LDB3: variants seen among roughly 807,000 people sequenced by gnomAD.
LDB3 encodes LIM domain-binding protein 3.
Under a neutral mutation model 69.0 loss-of-function variants are expected in LDB3, and 49 were observed. The observed-to-expected ratio is 0.71, with a 90% confidence interval of 0.56 to 0.90. The LOEUF (loss-of-function observed/expected upper bound fraction) is 0.90, where lower values mean the gene tolerates loss of function less well. Ranked by LOEUF, LDB3 falls within the 40% of genes least tolerant of loss-of-function variation. The pLI, the probability that LDB3 is intolerant of heterozygous loss-of-function variation, is 0.00. For missense variants in LDB3, 928 were observed against 974.1 expected, an observed-to-expected ratio of 0.95 and a Z score of 0.63; for synonymous variants, 387 against 396.2, an observed-to-expected ratio of 0.98 and a Z score of 0.28.
At chr10:86,708,239 G>A (rs1028985057) in intron 8 of LDB3, among the ~76,000 whole-genome samples, 2 of 152,246 alleles carry the variant, frequency 1.3e-5, no homozygotes, top group African/African-American at 2.4e-5. Context: ...GAGGGGCACA[G>A]AGGGCTGGCT....
chr10:86,702,280 G>C (rs1846289672), intron 7 of LDB3, among the ~76,000 whole-genome samples: 1 of 152,064 alleles, frequency 6.6e-6, no homozygotes, highest in African/African-American at 2.4e-5. Context: ...ATCACCAACA[G>C]TTCTGACCAA....
rs753499912 is a variant in LDB3 at position 86,679,336 on chromosome 10, T to G, written c.94-31T>G. ...CCTTTCCTCAGGACCACCTTCCTTA[T>G]GCTCACCCCCCACCTCCACTATCCA... is the stretch of plus-strand genomic sequence containing the variant. On this transcript the variant is annotated intron_variant, in intron 2 of 13. Coordinates refer to ENST00000361373, the MANE Select transcript of LDB3 (RefSeq NM_007078.3). The G allele has an allele frequency of 3.7e-6, 6 of 1,614,036 alleles. No homozygotes were observed. The East Asian group carries it at 1.3e-4, about 36-fold the overall frequency.
At position 86,687,192 on chromosome 10, in the gene LDB3, G is replaced by T. The variant is rs745413406; in HGVS notation, c.690-4704G>T. The T allele has an allele frequency of 1.9e-6, 3 of 1,614,100 alleles. No individual in the cohort carries two copies. The highest frequency in any genetic ancestry group is 1.7e-5 in the Admixed American group (1 of 60,010). On this transcript the variant is annotated intron_variant, in intron 5 of 13. Transcript: ENST00000361373. ...CCATCATCCATGCGCAGTACAACAC[G>T]CCCATCAGCATGTATTCCCAGGATG...
At position 86,732,927 on chromosome 10, in the gene LDB3, A is replaced by G. The variant is rs1451712853; in HGVS notation, c.2135A>G (p.Lys712Arg). The change falls in exon 14 of 14, where the codon AAG becomes AGG. Residue 712 changes from lysine (K) to arginine (R), a missense_variant. Lys to Arg is a conservative substitution (Grantham distance 26, BLOSUM62 2). Transcript: ENST00000361373. ...CTGGAGGGGCAGCCGTTCTACTCCA[A>G]GAAGGACAGACCCCTGTGCAAGAAG... ...VNLEGQPFYS[K>R]KDRPLCKKHA... 1.2e-6 allele frequency: 2 copies of G among 1,613,866 alleles called. No individual in the cohort carries two copies. Among genetic ancestry groups the G allele is most frequent in the Admixed American group, 1.7e-5 (1 of 59,984 alleles).
chr10:86,699,241 C>T lies in LDB3; in HGVS notation c.896+6670C>T, dbSNP rs1258094292. On this transcript the variant is annotated intron_variant, in intron 7 of 13. Coordinates refer to ENST00000361373, the MANE Select transcript of LDB3 (RefSeq NM_007078.3). The surrounding 1 kb of genome is among the most constrained non-coding windows in gnomAD (Gnocchi z 4.9). ...TCTCTTTCTGTCTCTGTCTCTGTTTCTCTCTCTCTCTCTCTCTCTCTCTCT... is the reference window on the plus strand; with the variant it reads ...TCTCTTTCTGTCTCTGTCTCTGTTTTTCTCTCTCTCTCTCTCTCTCTCTCT... 1.2e-4 allele frequency: 2 copies of T among 16,706 alleles called. No individual in the cohort carries two copies. Among genetic ancestry groups the T allele is most frequent in the South Asian group, 8.8e-4 (1 of 1,136 alleles). 1.0% of individuals were successfully genotyped at this position (16,706 alleles called of 1,614,324 possible). A position where few individuals can be genotyped will look rare whatever the true frequency, so the allele number is the denominator to read the frequency against.
chr10:86,715,625 G>T (rs1846840520), intron 9 of LDB3, among the ~76,000 whole-genome samples: 1 of 152,212 alleles, frequency 6.6e-6, no homozygotes, highest in East Asian at 1.9e-4. Flanking sequence ...GAGTACAGGG[G>T]TCCCCCAAGG....
chr10:86,719,547 C>G (rs563016987), intron 12 of LDB3, among the ~76,000 whole-genome samples: 1 of 152,288 alleles, frequency 6.6e-6, no homozygotes, highest in South Asian at 2.1e-4. Context: ...CTTTGGGCTG[C>G]TTTGTAAACC....
chr10:86,690,434 C>A (rs1845701810), intron 5 of LDB3, among the ~76,000 whole-genome samples: 1 of 152,258 alleles, frequency 6.6e-6, no homozygotes, highest in African/African-American at 2.4e-5. Context: ...CCCTAGAAGC[C>A]TCTGCTGGTC....
At position 86,731,474 on chromosome 10, in the gene LDB3, C is replaced by T. The variant is rs368247328; in HGVS notation, c.2095-1413C>T. Among the ~76,000 whole-genome samples, 53 of 152,098 alleles carry T rather than the reference C, an allele frequency of 3.5e-4. 1 individual carries two copies. The highest frequency in any genetic ancestry group is 3.1e-3 in the South Asian group (15 of 4,794). On this transcript the variant is annotated intron_variant, in intron 13 of 13. Coordinates refer to ENST00000361373, the MANE Select transcript of LDB3 (RefSeq NM_007078.3). ...TCCTGATCTCGTGGTCCTCCTGCCT[C>T]GGCCTTCCAAAATGCTGGGATTGCA...
intron 4 of LDB3, 47 bp downstream of exon 4, chr10:86,680,204 G>T (rs1297921565): frequency 6.4e-7 from 1 of 1,565,100 alleles, no homozygotes. Context: ...CTGGTTCCTG[G>T]AGTGCTGGCC....
Position 86,706,941 on chromosome 10 carries a change from G to T in LDB3, c.1085+222G>T, listed in dbSNP as rs890788688. 1.2e-4 allele frequency among the ~76,000 whole-genome samples: 18 copies of T among 152,270 alleles called. 1 individual carries two copies. Among genetic ancestry groups the T allele is most frequent in the African/African-American group, 4.3e-4 (18 of 41,554 alleles). On this transcript the variant is annotated intron_variant, in intron 8 of 13. Coordinates refer to ENST00000361373, the MANE Select transcript of LDB3 (RefSeq NM_007078.3). Reference sequence around the variant, plus strand: ...GGGGACTGTCACTCTGCCCCCCAGGGACACATACACCGGTGAGAGAGGTAA... The same window carrying T: ...GGGGACTGTCACTCTGCCCCCCAGGTACACATACACCGGTGAGAGAGGTAA...
At chr10:86,669,750 C>T (rs1017327888) in intron 2 of LDB3, among the ~76,000 whole-genome samples, 1 of 152,248 alleles carries the variant, frequency 6.6e-6, no homozygotes, top group Non-Finnish European at 1.5e-5. Context: ...GGTGGCTGAG[C>T]CCCTGACCGT....
chr10:86,683,987 A>G lies in LDB3; in HGVS notation c.689+2184A>G, dbSNP rs377712659. Among the ~76,000 whole-genome samples the G allele has an allele frequency of 7.2e-5, 11 of 152,364 alleles. No individual in the cohort carries two copies. In the East Asian group the frequency reaches 1.7e-3, roughly 24 times the overall value. On this transcript the variant is annotated intron_variant, in intron 5 of 13. Transcript: ENST00000361373. ...CGGAGTCACAGTGCTAGGAAGAGGC[A>G]GGGTCACAACTTGAACTCTGTCCTG...
intron 5 of LDB3, chr10:86,685,609 G>C (rs535286345): frequency 1.3e-6 from 2 of 1,526,080 alleles, no homozygotes; most frequent in Admixed American, 1.7e-5. Flanking sequence ...TGATGGCCCC[G>C]GCGCTCAAAC....
chr10:86,666,820 G>T, upstream of LDB3: 1 of 470,856 alleles, frequency 2.1e-6, no homozygotes. Flanking sequence ...GCAGGAGCCA[G>T]AGGCCAGAGA....
upstream of LDB3, among the ~76,000 whole-genome samples, chr10:86,667,819 G>GACCAGGGCT (rs1445112857): frequency 6.6e-6 from 1 of 152,230 alleles, no homozygotes; most frequent in Admixed American, 6.5e-5. Flanking sequence ...AGCTGCCCAG[G>GACCAGGGCT]ACCAGGGCTT....
At chr10:86,715,073 G>A (rs1454716306) in intron 9 of LDB3, among the ~76,000 whole-genome samples, 2 of 152,218 alleles carry the variant, frequency 1.3e-5, no homozygotes, top group Non-Finnish European at 2.9e-5. Flanking sequence ...AGGCGGTCCA[G>A]GGGAACCAGG....
chr10:86,705,503 C>G (rs992535192), intron 7 of LDB3, among the ~76,000 whole-genome samples: 1 of 152,222 alleles, frequency 6.6e-6, no homozygotes, highest in Non-Finnish European at 1.5e-5. Flanking sequence ...CTGCCCACCC[C>G]ATTTTACAGT....
intron 2 of LDB3, among the ~76,000 whole-genome samples, chr10:86,672,709 G>C (rs1428752560): frequency 6.6e-6 from 1 of 152,210 alleles, no homozygotes; most frequent in Non-Finnish European, 1.5e-5. Context: ...GGTCCCCCAG[G>C]CCAGGTCCTC....
Sources: allele counts gnomAD v4.1 joint callset (sites outside exome capture counted in the v4.1 genomes callset), GRCh38; gene constraint gnomAD v4.1.1; non-coding constraint Gnocchi (gnomAD v3.1); transcripts MANE v1.5; gene names NCBI Gene and HGNC (gene_info 2026-07-23, HGNC 2026-07-21).